FGD3: variants seen among roughly 807,000 people sequenced by gnomAD.
FGD3 encodes the protein FYVE, RhoGEF and PH domain-containing protein 3.
A neutral mutation model predicts 71.8 loss-of-function variants in FGD3; 45 were observed. The observed-to-expected ratio is 0.63, with a 90% CI of 0.49 to 0.80. The LOEUF (loss-of-function observed/expected upper bound fraction) is 0.80, where lower values mean the gene tolerates loss of function less well. Among genes scored for constraint, FGD3 ranks in the 30% least tolerant of loss-of-function variants. FGD3 has a pLI of 0.00. For missense variants in FGD3, 844 were observed against 951.5 expected, an observed-to-expected ratio of 0.89 and a Z score of 1.49; for synonymous variants, 378 against 392.8, an observed-to-expected ratio of 0.96 and a Z score of 0.44.
intron 3 of FGD3, among the ~76,000 whole-genome samples, chr9:92,994,954 C>T (rs937391523): frequency 2.0e-4 from 30 of 152,220 alleles, no homozygotes; most frequent in Non-Finnish European, 3.7e-4. Context: ...CTTGGCAATG[C>T]GGGCTCTTTT....
chr9:92,974,524 G>A (rs2118565106), intron 1 of FGD3: 1 of 152,396 alleles, frequency 6.6e-6, no homozygotes, highest in South Asian at 2.1e-4. Context: ...CTCCACCATA[G>A]AGCTGGTCGG....
chr9:92,978,153 A>G (rs1286421412), intron 3 of FGD3, among the ~76,000 whole-genome samples: 1 of 152,044 alleles, frequency 6.6e-6, no homozygotes, highest in African/African-American at 2.4e-5. Context: ...GTGGTGGCAC[A>G]TGCCTGTAAT....
At chr9:93,005,822 C>A (rs1368114617) in intron 5 of FGD3, among the ~76,000 whole-genome samples, 1 of 152,172 alleles carries the variant, frequency 6.6e-6, no homozygotes, top group African/African-American at 2.4e-5. Context: ...TTACAGGCAT[C>A]TTTCATTTAA....
chr9:93,031,466 G>A (rs1393553596), intron 15 of FGD3, among the ~76,000 whole-genome samples: 3 of 152,218 alleles, frequency 2.0e-5, no homozygotes, highest in Non-Finnish European at 2.9e-5. Context: ...GCATCTCCGT[G>A]TCAGCCTGCT....
At chr9:93,030,483 C>G (rs941522123) in intron 15 of FGD3, among the ~76,000 whole-genome samples, 1 of 152,186 alleles carries the variant, frequency 6.6e-6, no homozygotes, top group African/African-American at 2.4e-5. Flanking sequence ...ACTCCAAAGC[C>G]CTTTCTCCTG....
At chr9:92,959,809 C>T (rs1859136005) in intron 1 of FGD3, among the ~76,000 whole-genome samples, 1 of 151,764 alleles carries the variant, frequency 6.6e-6, no homozygotes, top group South Asian at 2.1e-4. Flanking sequence ...AGCGAGTGTC[C>T]CTTATGTCTG....
intron 1 of FGD3, among the ~76,000 whole-genome samples, chr9:92,961,701 G>C (rs757665772): frequency 2.2e-4 from 33 of 152,196 alleles, no homozygotes; most frequent in Non-Finnish European, 4.0e-4. Flanking sequence ...GGTGGCTGGG[G>C]CTGCAGTGTC....
At chr9:93,030,363 C>G (rs1220270447) in intron 15 of FGD3, among the ~76,000 whole-genome samples, 1 of 152,198 alleles carries the variant, frequency 6.6e-6, no homozygotes, top group Non-Finnish European at 1.5e-5. Flanking sequence ...GAAGCTCCTA[C>G]TGCTGGCCTT....
intron 8 of FGD3, among the ~76,000 whole-genome samples, chr9:93,013,342 C>T (rs761313567): frequency 2.0e-5 from 3 of 152,234 alleles, no homozygotes; most frequent in Non-Finnish European, 4.4e-5. Flanking sequence ...CGCAGGCTCA[C>T]CTCTGCGTTC....
chr9:92,984,484 C>A (rs1860117457), intron 3 of FGD3, among the ~76,000 whole-genome samples: 1 of 152,174 alleles, frequency 6.6e-6, no homozygotes, highest in Non-Finnish European at 1.5e-5. Context: ...TATCTACATA[C>A]TGTAGAAGTT....
intron 3 of FGD3, among the ~76,000 whole-genome samples, chr9:92,986,370 C>G (rs1860187694): frequency 6.6e-6 from 1 of 152,116 alleles, no homozygotes; most frequent in Non-Finnish European, 1.5e-5. Context: ...GGGCTGACTC[C>G]CCTGCCTTTG....
chr9:93,028,808 G>T (rs1416264043), intron 14 of FGD3, among the ~76,000 whole-genome samples: 1 of 152,226 alleles, frequency 6.6e-6, no homozygotes, highest in East Asian at 1.9e-4. Flanking sequence ...GGAGACTGGG[G>T]TCTCTCCACC....
chr9:92,952,164 G>A (rs999416338), intron 1 of FGD3, among the ~76,000 whole-genome samples: 5 of 151,836 alleles, frequency 3.3e-5, no homozygotes, highest in African/African-American at 1.2e-4. Flanking sequence ...TGCAGGGGGT[G>A]ACCAGAGCAC....
At chr9:93,028,939 G>T (rs1251899618) in intron 14 of FGD3, among the ~76,000 whole-genome samples, 1 of 149,582 alleles carries the variant, frequency 6.7e-6, no homozygotes. Context: ...GACAGAGGAG[G>T]GTACAGCCCC....
chr9:92,961,547 C>A (rs1587812073), intron 1 of FGD3, among the ~76,000 whole-genome samples: 4 of 152,362 alleles, frequency 2.6e-5, no homozygotes, highest in African/African-American at 9.6e-5. Context: ...CATTCCCCAA[C>A]TTCAGGTCAC....
In FGD3 at chr9:92,948,546, G is replaced by T. The variant is rs1366000500; in HGVS notation, c.-218+817G>T. On this transcript the variant is annotated intron_variant, in intron 1 of 17. Coordinates refer to ENST00000375482, the MANE Select transcript of FGD3 (RefSeq NM_001083536.2). The stretch of plus-strand genomic sequence containing the variant: ...ATGTTGTCATTTTCTGGGATGGCTG[G>T]GAAATACAGGTATCATTGCCTAAAA... Among the ~76,000 whole-genome samples, 4 of 152,220 alleles carry T rather than the reference G, an allele frequency of 2.6e-5. No homozygotes were observed. In the East Asian group the frequency reaches 7.7e-4, roughly 29 times the overall value.
In FGD3 at chr9:93,017,208, C is replaced by T. The variant is rs1386637751; in HGVS notation, c.1276-928C>T. 2.6e-5 allele frequency among the ~76,000 whole-genome samples: 4 copies of T among 152,142 alleles called. No homozygotes were observed. In the East Asian group the frequency reaches 7.7e-4, roughly 29 times the overall value. ...GCTTGAGCCCAGGAGGTCAAGGCTG[C>T]AGTGAGCTATGATTGTGCCACTCAC... On this transcript the variant is annotated intron_variant, in intron 10 of 17. Coordinates refer to ENST00000375482, the MANE Select transcript of FGD3 (RefSeq NM_001083536.2).
At chr9:92,998,419 C>T (rs1860732073) in intron 3 of FGD3, among the ~76,000 whole-genome samples, 1 of 152,126 alleles carries the variant, frequency 6.6e-6, no homozygotes, top group Non-Finnish European at 1.5e-5. Context: ...TTCAAACATC[C>T]TCCTTTAGCT....
intron 3 of FGD3, among the ~76,000 whole-genome samples, chr9:92,989,632 G>C (rs1860324120): frequency 6.6e-6 from 1 of 152,212 alleles, no homozygotes; most frequent in Non-Finnish European, 1.5e-5. Context: ...GGCTGGAGGG[G>C]AGAAAGGGAA....
Sources: gnomAD v4.1 joint callset for allele counts (sites outside exome capture counted in the v4.1 genomes callset) on GRCh38, gnomAD v4.1.1 for gene constraint, MANE v1.5 for transcripts, NCBI Gene and HGNC (gene_info 2026-07-23, HGNC 2026-07-21) for gene names.